NRXN3: variants seen among roughly 807,000 people sequenced by gnomAD.
NRXN3 encodes neurexin 3.
A neutral mutation model predicts 137.6 loss-of-function variants in NRXN3; 32 were observed. The ratio of observed to expected loss-of-function variants is 0.23; its 90% CI spans 0.18 to 0.31. NRXN3 has a LOEUF of 0.31. NRXN3 is among the 10% of genes least tolerant of loss of function. The pLI, the probability that NRXN3 is intolerant of heterozygous loss-of-function variation, is 1.00. For missense variants in NRXN3, 1,574 were observed against 2,062.5 expected (o/e 0.76, Z 4.59); for synonymous variants, 798 against 784.5 (o/e 1.02, Z -0.29).
At chr14:78,995,410 C>T (rs1013766847) in intron 15 of NRXN3, among the ~76,000 whole-genome samples, 1 of 152,120 alleles carries the variant, frequency 6.6e-6, no homozygotes, top group African/African-American at 2.4e-5. Context: ...GCACGGTGGA[C>T]GAGACCACTA....
At chr14:79,701,930 G>A (rs1354772134) in intron 19 of NRXN3, among the ~76,000 whole-genome samples, 6 of 152,018 alleles carry the variant, frequency 3.9e-5, no homozygotes, top group Non-Finnish European at 7.4e-5. Flanking sequence ...AAGACTGCAT[G>A]CGTTTTAACC....
At chr14:79,847,195 A>C (rs937340965) in intron 20 of NRXN3, among the ~76,000 whole-genome samples, 1 of 152,162 alleles carries the variant, frequency 6.6e-6, no homozygotes, top group African/African-American at 2.4e-5. Context: ...GAATCACCTC[A>C]ACCCAAAACC....
intron 4 of NRXN3, among the ~76,000 whole-genome samples, chr14:78,341,518 A>G (rs1018171814): frequency 2.6e-5 from 4 of 152,308 alleles, no homozygotes; most frequent in Admixed American, 1.3e-4. Context: ...GTAAAAAATG[A>G]GCGTGACTGT....
At chr14:79,462,873 T>TATGTACATACACATATGTATATGTAC (rs2096368601) in intron 15 of NRXN3, among the ~76,000 whole-genome samples, 2 of 151,734 alleles carry the variant, frequency 1.3e-5, no homozygotes, top group African/African-American at 2.4e-5. Flanking sequence ...TGTATATGTA[T>TATGTACATACACATATGTATATGTAC]ATGTACATAC....
At chr14:79,413,371 GTTGTA>G (rs2095447043) in intron 15 of NRXN3, among the ~76,000 whole-genome samples, 1 of 152,108 alleles carries the variant, frequency 6.6e-6, no homozygotes, top group African/African-American at 2.4e-5. Flanking sequence ...GTGCTGTTTG[GTTGTA>G]TTCTTTATTG....
At chr14:79,794,935 T>G (rs2099156642) in intron 19 of NRXN3, among the ~76,000 whole-genome samples, 1 of 152,184 alleles carries the variant, frequency 6.6e-6, no homozygotes, top group Admixed American at 6.5e-5. Context: ...TCCACTGAAC[T>G]TCACTTACAA....
intron 15 of NRXN3, among the ~76,000 whole-genome samples, chr14:79,295,472 T>G (rs2083916512): frequency 6.6e-6 from 1 of 152,196 alleles, no homozygotes; most frequent in Non-Finnish European, 1.5e-5. Flanking sequence ...TCACTGTAGC[T>G]TGAATATCTC....
At chr14:79,366,237 G>C (rs1302279103) in intron 15 of NRXN3, among the ~76,000 whole-genome samples, 1 of 152,000 alleles carries the variant, frequency 6.6e-6, no homozygotes, top group Admixed American at 6.6e-5. Context: ...TGTGATACAG[G>C]CATATAATGT....
chr14:78,279,055 T>C lies in NRXN3; in HGVS notation c.727+393T>C, dbSNP rs2074022791. Among the ~76,000 whole-genome samples, 3 of 152,358 alleles carry C rather than the reference T, an allele frequency of 2.0e-5. No individual in the cohort carries two copies. The South Asian group carries it at 6.2e-4, about 32-fold the overall frequency. On this transcript the variant is annotated intron_variant, in intron 3 of 20. Transcript: ENST00000335750. ...TTCATGTGGTTGAAAGCAGAAGATATGACATACGTAGCATGGAAAATGTGA... is the reference window on the plus strand; with the variant it reads ...TTCATGTGGTTGAAAGCAGAAGATACGACATACGTAGCATGGAAAATGTGA...
chr14:78,562,472 G>T (rs2096796484), intron 4 of NRXN3, among the ~76,000 whole-genome samples: 1 of 150,914 alleles, frequency 6.6e-6, no homozygotes, highest in Admixed American at 6.6e-5. Flanking sequence ...TGGCTTGGCA[G>T]CTTCTGTTTT....
At chr14:79,663,994 A>G in intron 17 of NRXN3, 45 bp downstream of exon 17, 2 of 1,590,814 alleles carry the variant, frequency 1.3e-6, no homozygotes, top group Non-Finnish European at 1.7e-6. Context: ...TGACTCTCCC[A>G]TTCTCACTTT....
intron 4 of NRXN3, among the ~76,000 whole-genome samples, chr14:78,601,643 A>G (rs2097202888): frequency 6.6e-6 from 1 of 152,096 alleles, no homozygotes; most frequent in Non-Finnish European, 1.5e-5. Flanking sequence ...TTTAGTAGAC[A>G]CAGGGTTTCA....
At chr14:79,571,198 C>T (rs1404890184) in intron 16 of NRXN3, among the ~76,000 whole-genome samples, 1 of 152,132 alleles carries the variant, frequency 6.6e-6, no homozygotes, top group Admixed American at 6.6e-5. Context: ...TACGCTGTGG[C>T]ATGGCTTAGT....
intron 15 of NRXN3, among the ~76,000 whole-genome samples, chr14:79,394,346 T>C (rs1187685096): frequency 1.3e-5 from 2 of 152,188 alleles, no homozygotes; most frequent in Non-Finnish European, 2.9e-5. Context: ...GCATGGAGTA[T>C]CTCAGTTCTC....
chr14:79,276,395 A>G (rs985117526), intron 15 of NRXN3, among the ~76,000 whole-genome samples: 1 of 152,190 alleles, frequency 6.6e-6, no homozygotes, highest in African/African-American at 2.4e-5. Context: ...AAGAAGTAAA[A>G]TAGACCTGTC....
intron 15 of NRXN3, among the ~76,000 whole-genome samples, chr14:79,342,457 A>C (rs1297385974): frequency 1.3e-5 from 2 of 151,786 alleles, no homozygotes; most frequent in East Asian, 1.9e-4. Context: ...TCTCTCTGAC[A>C]TCATAGCAAA....
At chr14:79,265,819 T>C (rs752508832) in intron 15 of NRXN3, among the ~76,000 whole-genome samples, 15 of 152,216 alleles carry the variant, frequency 9.9e-5, no homozygotes, top group Non-Finnish European at 2.2e-4. Context: ...GATATATGCC[T>C]GCTGAGGGCT....
At chr14:79,257,430 GTGGTGGTGGTGGTAGTGA>G (rs2076806770) in intron 15 of NRXN3, among the ~76,000 whole-genome samples, 11 of 62,106 alleles carry the variant, frequency 1.8e-4, no homozygotes, top group Non-Finnish European at 2.2e-4. Context: ...GGTGATGGTG[GTGGTGGTGGTGGTAGTGA>G]TGGTGGTGGT....
intron 10 of NRXN3, among the ~76,000 whole-genome samples, chr14:78,819,009 G>T (rs1281371922): frequency 6.6e-6 from 1 of 152,064 alleles, no homozygotes; most frequent in Non-Finnish European, 1.5e-5. Context: ...TCATGATGGG[G>T]CCCTAAATGC....
Sources: allele counts gnomAD v4.1 joint callset (sites outside exome capture counted in the v4.1 genomes callset), GRCh38; gene constraint gnomAD v4.1.1; transcripts MANE v1.5; gene names NCBI Gene and HGNC (gene_info 2026-07-23, HGNC 2026-07-21).